The following CACNA2D2 variants were observed in gnomAD, a reference collection of about 807,000 sequenced individuals.
The protein encoded by CACNA2D2 is calcium voltage-gated channel auxiliary subunit alpha2delta 2.
A neutral mutation model predicts 166.4 loss-of-function variants in CACNA2D2; 48 were observed. The ratio of observed to expected loss-of-function variants is 0.29; its 90% CI spans 0.23 to 0.37. CACNA2D2 has a LOEUF of 0.37. Among genes scored for constraint, CACNA2D2 ranks in the 10% least tolerant of loss-of-function variants. The pLI is 1.00. For missense variants in CACNA2D2, 1,122 were observed against 1,433.0 expected (o/e 0.78, Z 3.50); for synonymous variants, 561 against 573.7 (o/e 0.98, Z 0.32).
intron 3 of CACNA2D2, 54 bp from the exon 4 acceptor site, chr3:50,394,222 G>A: frequency 6.8e-7 from 1 of 1,467,932 alleles, no homozygotes; most frequent in South Asian, 1.1e-5. Flanking sequence ...CCTGCCCTAT[G>A]CCCACCCCAA....
intron 1 of CACNA2D2, among the ~76,000 whole-genome samples, chr3:50,480,712 T>C (rs1698008080): frequency 7.1e-6 from 1 of 140,884 alleles, no homozygotes; most frequent in African/African-American, 2.7e-5. Context: ...ACAGGATCAT[T>C]GAGACCCCAG....
At chr3:50,451,458 C>T (rs1041055854) in intron 2 of CACNA2D2, among the ~76,000 whole-genome samples, 3 of 151,782 alleles carry the variant, frequency 2.0e-5, no homozygotes, top group African/African-American at 7.3e-5. Flanking sequence ...CCCCAGGCTG[C>T]CTGACACTTT....
At chr3:50,421,997 G>A (rs1401751116) in intron 3 of CACNA2D2, among the ~76,000 whole-genome samples, 6 of 152,098 alleles carry the variant, frequency 3.9e-5, no homozygotes, top group African/African-American at 1.4e-4. Flanking sequence ...GTTGGTTCCT[G>A]GGGGTTCTGC....
At chr3:50,439,140 G>A (rs768183607) in intron 2 of CACNA2D2, among the ~76,000 whole-genome samples, 4 of 152,240 alleles carry the variant, frequency 2.6e-5, no homozygotes, top group Non-Finnish European at 5.9e-5. Context: ...CCCTAAACTT[G>A]AAGGCAAAGC....
chr3:50,399,205 C>T (rs1364435970), intron 3 of CACNA2D2, among the ~76,000 whole-genome samples: 1 of 152,236 alleles, frequency 6.6e-6, no homozygotes, highest in Non-Finnish European at 1.5e-5. Flanking sequence ...GCCTCCTCTC[C>T]TCACCAGCCC....
Position 50,379,443 on chromosome 3 carries a change from G to C in CACNA2D2, c.1141C>G (p.Gln381Glu). ...CCCATGGGGCTCACGTTCTGCAGCTGGTCAAAGGCATACTCAAAGCCGGCC... is the reference window on the plus strand; with the variant it reads ...CCCATGGGGCTCACGTTCTGCAGCTCGTCAAAGGCATACTCAAAGCCGGCC... ...YKAGFEYAFDQLQNSNITRAN... is the reference protein window; with the variant it reads ...YKAGFEYAFDELQNSNITRAN... Residue 381 changes from glutamine to glutamate, a missense_variant, in exon 11 of 38, where the codon CAG becomes GAG. Around this residue, in one of 2 missense-constraint regions of CACNA2D2, gnomAD observed 840 missense variants for 1,166.8 expected, o/e 0.72. Transcript: ENST00000424201. The surrounding 1 kb of genome is among the most constrained non-coding windows in gnomAD (Gnocchi z 6.5). The C allele has an allele frequency of 6.2e-7, 1 of 1,613,720 alleles. No individual in the cohort carries two copies. The highest frequency in any genetic ancestry group is 8.5e-7 in the Non-Finnish European group (1 of 1,179,922).
chr3:50,444,787 A>C (rs549572781), intron 2 of CACNA2D2, among the ~76,000 whole-genome samples: 7 of 152,320 alleles, frequency 4.6e-5, no homozygotes, highest in Non-Finnish European at 8.8e-5. Flanking sequence ...TAGAGAGATG[A>C]AGGTAAGCCC....
intron 1 of CACNA2D2, among the ~76,000 whole-genome samples, chr3:50,487,883 T>C (rs1437771954): frequency 6.6e-6 from 1 of 152,156 alleles, no homozygotes; most frequent in Non-Finnish European, 1.5e-5. Context: ...ATAGTAACCA[T>C]GTACCTACTA....
At chr3:50,404,609 G>C (rs1706604811) in intron 3 of CACNA2D2, among the ~76,000 whole-genome samples, 1 of 152,158 alleles carries the variant, frequency 6.6e-6, no homozygotes, top group Admixed American at 6.5e-5. Flanking sequence ...ATGGCTCAGG[G>C]GCAGGACATG....
At chr3:50,471,934 C>T (rs1408338255) in intron 2 of CACNA2D2, among the ~76,000 whole-genome samples, 1 of 152,196 alleles carries the variant, frequency 6.6e-6, no homozygotes, top group Non-Finnish European at 1.5e-5. Flanking sequence ...TTCCTGGCTA[C>T]CCATAAGAAA....
chr3:50,378,132 C>A, intron 14 of CACNA2D2, 35 bp from the exon 15 acceptor site: 1 of 1,602,378 alleles, frequency 6.2e-7, no homozygotes, highest in Non-Finnish European at 8.5e-7. Context: ...TAATGAGTGC[C>A]TTTCCCAGGC....
chr3:50,390,294 G>A (rs963050260), intron 4 of CACNA2D2, among the ~76,000 whole-genome samples: 1 of 152,144 alleles, frequency 6.6e-6, no homozygotes, highest in African/African-American at 2.4e-5. Context: ...GGTCACCCGC[G>A]AGGAGGCAAG....
chr3:50,429,592 C>CAAAAAAAAAAAA (rs1160685582), intron 3 of CACNA2D2, among the ~76,000 whole-genome samples: 3 of 52,644 alleles, frequency 5.7e-5, no homozygotes, highest in Admixed American at 2.6e-4. Context: ...ACTAAAAATA[C>CAAAAAAAAAAAA]AAAAAAAAAA....
At chr3:50,404,516 C>T (rs1409029963) in intron 3 of CACNA2D2, among the ~76,000 whole-genome samples, 1 of 152,160 alleles carries the variant, frequency 6.6e-6, no homozygotes, top group African/African-American at 2.4e-5. Context: ...AGCACCCCTG[C>T]CCTGGTGCCA....
chr3:50,365,259 C>A lies in CACNA2D2; in HGVS notation c.3099-75G>T. ...CACCCCCATCCTGCGGCCCCGCCCCCGGCCGCTCGGAGGCCCCGCCCCTTC... is the reference window on the plus strand; with the variant it reads ...CACCCCCATCCTGCGGCCCCGCCCCAGGCCGCTCGGAGGCCCCGCCCCTTC... On this transcript the variant is annotated intron_variant, in intron 35 of 37. Transcript: ENST00000424201. This position sits in a 1 kb window ranked among gnomAD's most constrained non-coding sequence, Gnocchi z 4.5. 1 of 1,571,614 alleles carries A rather than the reference C, an allele frequency of 6.4e-7. No homozygotes were observed. Among genetic ancestry groups the A allele is most frequent in the Non-Finnish European group, 8.6e-7 (1 of 1,158,774 alleles).
intron 2 of CACNA2D2, among the ~76,000 whole-genome samples, chr3:50,451,158 T>C (rs1709085509): frequency 6.6e-6 from 1 of 151,584 alleles, no homozygotes; most frequent in Non-Finnish European, 1.5e-5. Flanking sequence ...GGAGTTTCAC[T>C]TTTGTTGCCC....
chr3:50,370,303 G>A lies in CACNA2D2; in HGVS notation c.2045+17C>T, dbSNP rs1356237270. 1 of 1,570,712 alleles carries A rather than the reference G, an allele frequency of 6.4e-7. No homozygotes were observed. Among genetic ancestry groups the A allele is most frequent in the Non-Finnish European group, 8.6e-7 (1 of 1,158,022 alleles). ...AGGGTAGGGGAGGACACCTCAGCAA[G>A]GCCACACGCAAGCTACCTGGGAGCA... On this transcript the variant is annotated intron_variant, in intron 23 of 37. Coordinates refer to ENST00000424201, the MANE Select transcript of CACNA2D2 (RefSeq NM_006030.4).
intron 3 of CACNA2D2, 40 bp from the exon 4 acceptor site, chr3:50,394,208 G>T: frequency 3.2e-6 from 5 of 1,578,958 alleles, no homozygotes; most frequent in Non-Finnish European, 4.4e-6. Flanking sequence ...GCGGAGGAAG[G>T]CAGCCTGCCC....
chr3:50,366,198 C>A lies in CACNA2D2; in HGVS notation c.2710-35G>T. ...TCAGGAGAAAGCCATGGTCACAGGG[C>A]TGGCAGTGCTACACCCCTAGAAGGC... On this transcript the variant is annotated intron_variant, in intron 31 of 37. Transcript: ENST00000424201. The surrounding 1 kb of genome is among the most constrained non-coding windows in gnomAD (Gnocchi z 5.9). 1 of 1,613,930 alleles carries A rather than the reference C, an allele frequency of 6.2e-7. No individual in the cohort carries two copies.
Sources: gnomAD v4.1 joint callset for allele counts (sites outside exome capture counted in the v4.1 genomes callset) on GRCh38, gnomAD v4.1.1 for gene constraint, gnomAD v4.1.1 regional missense constraint, Gnocchi (gnomAD v3.1) non-coding constraint, MANE v1.5 for transcripts, NCBI Gene and HGNC (gene_info 2026-07-23, HGNC 2026-07-21) for gene names.